Variants in C2CD2L observed in about 807,000 individuals in gnomAD.
The protein encoded by C2CD2L is phospholipid transfer protein C2CD2L.
A neutral mutation model predicts 69.9 loss-of-function variants in C2CD2L; 24 were observed. The observed-to-expected ratio is 0.34, with a 90% confidence interval of 0.25 to 0.48. The LOEUF is 0.48. C2CD2L is among the 20% of genes least tolerant of loss of function. C2CD2L has a pLI of 0.99. For missense variants in C2CD2L, 811 were observed against 941.5 expected, an observed-to-expected ratio of 0.86 and a Z score of 1.81; for synonymous variants, 367 against 391.0, an observed-to-expected ratio of 0.94 and a Z score of 0.72.
At chr11:119,103,148 C>T (rs2134924341), upstream of C2CD2L, among the ~76,000 whole-genome samples, 1 of 152,080 alleles carries the variant, frequency 6.6e-6, no homozygotes. Context: ...GCCTTGGCCT[C>T]CCAAAATGCT....
At chr11:119,115,802 C>A in intron 13 of C2CD2L, 1 of 587,472 alleles carries the variant, frequency 1.7e-6, no homozygotes, top group East Asian at 2.8e-5. Context: ...ACAAGTACCA[C>A]GATTTTTGCC....
intron 6 of C2CD2L, 56 bp from the exon 7 acceptor site, chr11:119,111,465 C>T: frequency 6.3e-7 from 1 of 1,595,858 alleles, no homozygotes; most frequent in Non-Finnish European, 8.6e-7. Flanking sequence ...CCTCTTTATT[C>T]TGCAGTGACT....
upstream of C2CD2L, chr11:119,102,513 C>G (rs1188533001): frequency 2.7e-6 from 1 of 367,038 alleles, no homozygotes; most frequent in African/African-American, 2.1e-5. Flanking sequence ...CAGCATCCCA[C>G]CCACCTTCTG....
At chr11:119,106,283 G>A (rs1321325679), upstream of C2CD2L, among the ~76,000 whole-genome samples, 1 of 152,200 alleles carries the variant, frequency 6.6e-6, no homozygotes, top group Non-Finnish European at 1.5e-5. Flanking sequence ...CAACTACTTG[G>A]GTTTGGGAGA....
At chr11:119,113,514 C>T in intron 10 of C2CD2L, 97 bp from the exon 11 acceptor site, 2 of 1,488,406 alleles carry the variant, frequency 1.3e-6, no homozygotes, top group Admixed American at 2.4e-5. Context: ...CATTCTTGCC[C>T]TCTGAGTCAC....
chr11:119,108,387 G>T (rs1565772258), intron 1 of C2CD2L: 1 of 348,252 alleles, frequency 2.9e-6, no homozygotes, highest in East Asian at 4.9e-5. Flanking sequence ...CTTCCGCCTT[G>T]CCTGGGTGCT....
rs1347823639 is a variant in C2CD2L, at chr11:119,114,431, C to T, written c.1909+66C>T. ...ATACACATATCATGACCTGGGGGAC[C>T]TCGAGCCAGTGTGCCTTCTCCTTCC... On this transcript the variant is annotated intron_variant, in intron 13 of 13. Coordinates refer to ENST00000648610, the MANE Select transcript of C2CD2L (RefSeq NM_001290474.2). The surrounding 1 kb of genome is among the most constrained non-coding windows in gnomAD (Gnocchi z 5.1). 8 of 1,511,450 alleles carry T rather than the reference C, an allele frequency of 5.3e-6. No homozygotes were observed. In the East Asian group the frequency reaches 1.8e-4, roughly 34 times the overall value. The allele number at this position is 1,511,450 out of a possible 1,614,324, so 93.6% of individuals were successfully genotyped here.
chr11:119,107,125 A>C (rs1946605362), upstream of C2CD2L: 1 of 152,260 alleles, frequency 6.6e-6, no homozygotes, highest in African/African-American at 2.4e-5. This position sits in a 1 kb window ranked among gnomAD's most constrained non-coding sequence, Gnocchi z 5.4. Flanking sequence ...GCAGCATCTT[A>C]GGTAAGTGAA....
chr11:119,113,798 CA>C, intron 11 of C2CD2L, 56 bp from the exon 12 acceptor site: 1 of 1,611,938 alleles, frequency 6.2e-7, no homozygotes, highest in Non-Finnish European at 8.5e-7. Flanking sequence ...GGAGGAGTTC[CA>C]ATCCAAGAAA....
At chr11:119,105,602 T>C (rs929684774), upstream of C2CD2L, among the ~76,000 whole-genome samples, 14 of 147,444 alleles carry the variant, frequency 9.5e-5, no homozygotes, top group African/African-American at 3.0e-4. Context: ...ATCTCGCTAC[T>C]GCACCCCAGC....
upstream of C2CD2L, among the ~76,000 whole-genome samples, chr11:119,103,224 C>A (rs1355658271): frequency 1.3e-5 from 2 of 152,098 alleles, no homozygotes; most frequent in Non-Finnish European, 2.9e-5. Flanking sequence ...TTTCATTCCC[C>A]GACAGGCTCT....
chr11:119,107,256 C>G (rs1197055514), upstream of C2CD2L: 1 of 152,472 alleles, frequency 6.6e-6, no homozygotes, highest in African/African-American at 2.4e-5. This position sits in a 1 kb window ranked among gnomAD's most constrained non-coding sequence, Gnocchi z 5.4. Context: ...CCCTCCCGCC[C>G]TCCTCCAGCG....
upstream of C2CD2L, among the ~76,000 whole-genome samples, chr11:119,102,795 T>C (rs1273406951): frequency 6.6e-6 from 1 of 151,546 alleles, no homozygotes; most frequent in African/African-American, 2.4e-5. Flanking sequence ...TGCATTTTGC[T>C]TGGCCTCCTG....
chr11:119,112,769 A>C lies in C2CD2L; in HGVS notation c.1282A>C (p.Thr428Pro). 2 of 1,613,976 alleles carry C rather than the reference A, an allele frequency of 1.2e-6. No individual in the cohort carries two copies. The highest frequency in any genetic ancestry group is 1.7e-6 in the Non-Finnish European group (2 of 1,179,910). ...PTSSTPRPSI[T>P]PTKKIELDRT... ...CTCCTCCACTCCACGCCCCAGCATC[A>C]CACCTACCAAGAAGATTGAGCTTGA... Residue 428 changes from threonine (T) to proline (P), a missense_variant, in exon 10 of 14, where the codon ACA becomes CCA. Coordinates refer to ENST00000648610, the MANE Select transcript of C2CD2L (RefSeq NM_001290474.2).
rs759447021 is a variant in C2CD2L, at chr11:119,116,085, G to C, written c.1950G>C (p.Arg650=). 1 of 1,614,080 alleles carries C rather than the reference G, an allele frequency of 6.2e-7. No homozygotes were observed. Among genetic ancestry groups the C allele is most frequent in the Non-Finnish European group, 8.5e-7 (1 of 1,180,022 alleles). Residue 650 remains arginine (R), a synonymous_variant, in exon 14 of 14, where the codon CGG becomes CGC. Transcript: ENST00000648610. ...GCGGCACTAAGCTCATCTTCCGCCG[G>C]AGGCCTAGGCAGAAGGAAGCTGGCC... The part of the protein sequence containing the change: ...LRSGTKLIFR[R]RPRQKEAGLS...
chr11:119,103,469 G>A (rs572234854), upstream of C2CD2L, among the ~76,000 whole-genome samples: 5 of 152,264 alleles, frequency 3.3e-5, no homozygotes, highest in South Asian at 8.3e-4. Flanking sequence ...GGCGAAGGTG[G>A]GTGGCTCACT....
Position 119,111,156 on chromosome 11 carries a change from C to T in C2CD2L, c.786C>T (p.Ala262=), listed in dbSNP as rs1417530521. 1 of 1,613,618 alleles carries T rather than the reference C, an allele frequency of 6.2e-7. No homozygotes were observed. The highest frequency in any genetic ancestry group is 1.3e-5 in the African/African-American group (1 of 75,010). The part of the protein sequence containing the change: ...AMMVNLRACS[A]PGGLVPSEKP... ...TGGTCAACCTCAGGGCTTGCTCTGCCCCAGGAGGCCTGGTGAGTTGGCACC... is the reference window on the plus strand; with the variant it reads ...TGGTCAACCTCAGGGCTTGCTCTGCTCCAGGAGGCCTGGTGAGTTGGCACC... The change falls in exon 5 of 14, where the codon GCC becomes GCT. Residue 262 remains alanine (A), a synonymous_variant. Coordinates refer to ENST00000648610, the MANE Select transcript of C2CD2L (RefSeq NM_001290474.2).
chr11:119,110,414 A>C lies in C2CD2L; in HGVS notation c.451-147A>C. 3 of 1,004,510 alleles carry C rather than the reference A, an allele frequency of 3.0e-6. No individual in the cohort carries two copies. The highest frequency in any genetic ancestry group is 4.3e-6 in the Non-Finnish European group (3 of 703,166). The allele number at this position is 1,004,510 out of a possible 1,614,324, so 62.2% of individuals were successfully genotyped here. A position where few individuals can be genotyped will look rare whatever the true frequency, so the allele number is the denominator to read the frequency against. On this transcript the variant is annotated intron_variant, in intron 2 of 13. Transcript: ENST00000648610. This position sits in a 1 kb window ranked among gnomAD's most constrained non-coding sequence, Gnocchi z 5.7. ...CTGGGGAGAGGAGTCTTTGGCATTT[A>C]TCTGATTCTTTTAGGGATTTATGAT...
Position 119,110,875 on chromosome 11 carries a change from G to T in C2CD2L, c.599G>T (p.Gly200Val). 1 of 1,614,164 alleles carries T rather than the reference G, an allele frequency of 6.2e-7. No homozygotes were observed. Among genetic ancestry groups the T allele is most frequent in the Non-Finnish European group, 8.5e-7 (1 of 1,180,002 alleles). Residue 200 changes from glycine (G) to valine (V), a missense_variant, in exon 4 of 14, where the codon GGT becomes GTT. By Grantham distance (109) the Gly-to-Val change is moderately radical (BLOSUM62 -3). Coordinates refer to ENST00000648610, the MANE Select transcript of C2CD2L (RefSeq NM_001290474.2). This position sits in a 1 kb window ranked among gnomAD's most constrained non-coding sequence, Gnocchi z 5.7. ...QLEVNLEEIP[G>V]EGLLISWAFT... is the part of the protein sequence containing the mutation. ...GAAGTCAACCTGGAGGAAATCCCTG[G>T]TGAGGGGCTGCTCATATCCTGGGCC... is the stretch of plus-strand genomic sequence containing the variant.
Sources: allele counts gnomAD v4.1 joint callset (sites outside exome capture counted in the v4.1 genomes callset), GRCh38; gene constraint gnomAD v4.1.1; non-coding constraint Gnocchi (gnomAD v3.1); transcripts MANE v1.5; gene names NCBI Gene and HGNC (gene_info 2026-07-23, HGNC 2026-07-21).